FRYL: variants seen among roughly 807,000 people sequenced by gnomAD.
FRYL encodes FRY like transcription coactivator, also known as protein furry homolog-like.
In FRYL, 150 loss-of-function variants were observed where a neutral mutation model predicts 351.2. The observed-to-expected ratio is 0.43, with a 90% CI of 0.37 to 0.49. The LOEUF is 0.49. Among genes scored for constraint, FRYL ranks in the 20% least tolerant of loss-of-function variants. The probability of loss-of-function intolerance (pLI) is 0.00; values close to 1 mark genes in which losing one functional copy is unlikely to be tolerated. For missense variants in FRYL, 3,036 were observed against 3,619.3 expected, an observed-to-expected ratio of 0.84 and a Z score of 4.13; for synonymous variants, 1,153 against 1,257.1, an observed-to-expected ratio of 0.92 and a Z score of 1.75.
chr4:48,735,971 TAAAAAAAAAAAA>T (rs71191254), intron 1 of FRYL, among the ~76,000 whole-genome samples: 2 of 100,734 alleles, frequency 2.0e-5, no homozygotes, highest in East Asian at 2.9e-4. Flanking sequence ...TAGAGTATAA[TAAAAAAAAAAAA>T]AAAAAAAAAA....
chr4:48,571,526 A>C (rs1738323860), intron 26 of FRYL, among the ~76,000 whole-genome samples: 1 of 152,216 alleles, frequency 6.6e-6, no homozygotes, highest in South Asian at 2.1e-4. Flanking sequence ...CACCTATATC[A>C]CCTTCTACTA....
intron 3 of FRYL, among the ~76,000 whole-genome samples, chr4:48,635,249 G>C (rs1480986686): frequency 6.6e-6 from 1 of 152,158 alleles, no homozygotes; most frequent in African/African-American, 2.4e-5. Flanking sequence ...GAGAGGGATA[G>C]AATCTGGCTT....
chr4:48,674,752 A>AAAAAAT (rs1763294930), intron 3 of FRYL, among the ~76,000 whole-genome samples: 1 of 150,902 alleles, frequency 6.6e-6, no homozygotes, highest in Non-Finnish European at 1.5e-5. Context: ...AAAAAAAAAA[A>AAAAAAT]AAAAATAGCA....
intron 10 of FRYL, 88 bp from the exon 11 acceptor site, chr4:48,605,921 T>C (rs2940319): frequency 1 from 816,377 of 819,922 alleles, 406,502 homozygotes; most frequent in East Asian, 1. Flanking sequence ...GAACACTCTG[T>C]CATTTTACCA....
chr4:48,751,781 A>C (rs1305921886), intron 1 of FRYL, among the ~76,000 whole-genome samples: 1 of 152,134 alleles, frequency 6.6e-6, no homozygotes, highest in East Asian at 1.9e-4. Flanking sequence ...CTGCAGCAGA[A>C]TATTGCTGGT....
chr4:48,637,916 C>G (rs1389349464), intron 3 of FRYL: 1 of 152,034 alleles, frequency 6.6e-6, no homozygotes, highest in Non-Finnish European at 1.5e-5. Context: ...ATAACTCTTA[C>G]AATTAGGTGT....
chr4:48,749,051 A>AT (rs752405224), intron 1 of FRYL, among the ~76,000 whole-genome samples: 10 of 152,228 alleles, frequency 6.6e-5, no homozygotes, highest in Non-Finnish European at 1.5e-4. Flanking sequence ...AAGCAACATC[A>AT]TAACAGATGA....
Position 48,629,716 on chromosome 4 carries a change from T to G in FRYL, c.120+4575A>C, listed in dbSNP as rs528505728. On this transcript the variant is annotated intron_variant, in intron 4 of 63. Transcript: ENST00000358350. The stretch of plus-strand genomic sequence containing the variant: ...CACTTGAGGCACAACCAGAGGGAAG[T>G]GAGTGAGCTTGACCCACAGAGAGTA... Among the ~76,000 whole-genome samples the G allele has an allele frequency of 2.3e-4, 35 of 151,970 alleles. 1 individual carries two copies. The South Asian group carries it at 3.6e-3, about 15-fold the overall frequency.
At chr4:48,602,288 A>G (rs146734438) in intron 12 of FRYL, among the ~76,000 whole-genome samples, 167 bp from the exon 13 acceptor site, 1 of 152,222 alleles carries the variant, frequency 6.6e-6, no homozygotes, top group African/African-American at 2.4e-5. Context: ...ACACAGAAAG[A>G]TAAAGAGTAA....
In FRYL at chr4:48,605,741, A is replaced by G; in HGVS notation, c.834T>C (p.Ala278=). The change falls in exon 11 of 64, where the codon GCT becomes GCC. Residue 278 remains alanine (A), a splice_region_variant and synonymous_variant. Transcript: ENST00000358350. ...GTATGAAAATAAGAAAAATACTTAC[A>G]GCAGCTACAGGGATAAGAATCTCCA... ...LFVEILIPVA[A]AVKNEVNVPC... 6.4e-7 allele frequency: 1 copy of G among 1,574,210 alleles called. No individual in the cohort carries two copies. The highest frequency in any genetic ancestry group is 8.7e-7 in the Non-Finnish European group (1 of 1,145,888).
intron 1 of FRYL, among the ~76,000 whole-genome samples, chr4:48,747,000 T>A (rs1417681800): frequency 1.3e-5 from 2 of 152,122 alleles, no homozygotes; most frequent in Non-Finnish European, 2.9e-5. Context: ...AAAACGACTG[T>A]TTTAGGGTAG....
intron 1 of FRYL, among the ~76,000 whole-genome samples, chr4:48,753,532 T>G (rs1023860122): frequency 2.6e-5 from 4 of 152,188 alleles, no homozygotes; most frequent in Non-Finnish European, 4.4e-5. Context: ...TGTAAGAGTT[T>G]TCTCGGTACA....
intron 3 of FRYL, among the ~76,000 whole-genome samples, chr4:48,669,231 G>A (rs1167504275): frequency 6.6e-6 from 1 of 152,110 alleles, no homozygotes; most frequent in Non-Finnish European, 1.5e-5. Flanking sequence ...GGAATAAGCA[G>A]CTGTGATCAT....
Position 48,547,728 on chromosome 4 carries a change from G to T in FRYL, c.4930C>A (p.Arg1644Ser). The stretch of plus-strand genomic sequence containing the variant: ...ACTATTAATAAGTGCAGAAGCAGGC[G>T]TTTACAATGTTCATACACCTCAGGG... ...CHPEVYEHCK[R>S]LLLHLLIVMG... Residue 1644 changes from arginine (R) to serine (S), a missense_variant, in exon 41 of 64, where the codon CGC becomes AGC. Physicochemically the swap from Arg to Ser is moderately radical, Grantham distance 110. Transcript: ENST00000358350. 3.2e-6 allele frequency: 5 copies of T among 1,575,918 alleles called. No individual in the cohort carries two copies. Among genetic ancestry groups the T allele is most frequent in the Non-Finnish European group, 3.5e-6 (4 of 1,155,044 alleles).
At chr4:48,566,098 C>T (rs750170657) in intron 28 of FRYL, among the ~76,000 whole-genome samples, 9 of 152,106 alleles carry the variant, frequency 5.9e-5, no homozygotes, top group Non-Finnish European at 1.0e-4. Flanking sequence ...GGACGAGATA[C>T]GTGTTTTCAA....
At position 48,553,214 on chromosome 4, in the gene FRYL, C is replaced by A; in HGVS notation, c.4435+1G>T. On this transcript the variant is annotated splice_donor_variant, in intron 36 of 63. Transcript: ENST00000358350. LOFTEE classifies it high-confidence loss of function. ...GCAATCGGTTTTAACAAATTTCTCA[C>A]CTGAGGTGACAGAAGGGATTTTATA... The A allele has an allele frequency of 6.2e-7, 1 of 1,609,618 alleles. No individual in the cohort carries two copies. The highest frequency in any genetic ancestry group is 8.5e-7 in the Non-Finnish European group (1 of 1,178,014).
At chr4:48,738,489 A>C (rs1771678861) in intron 1 of FRYL, among the ~76,000 whole-genome samples, 1 of 152,046 alleles carries the variant, frequency 6.6e-6, no homozygotes, top group African/African-American at 2.4e-5. Flanking sequence ...AGGAAGACTC[A>C]AGCTTTTGTT....
rs563738291 is a variant in FRYL, at chr4:48,600,224, T to C, written c.1035+1796A>G. On this transcript the variant is annotated intron_variant, in intron 13 of 63. Coordinates refer to ENST00000358350, the MANE Select transcript of FRYL (RefSeq NM_015030.2). The stretch of plus-strand genomic sequence containing the variant: ...CTTTATCTTGGATCAATTTTCCCTA[T>C]ACATAAAATAAATAACTGTTACAAC... Among the ~76,000 whole-genome samples the C allele has an allele frequency of 1.8e-3, 272 of 152,310 alleles. 2 individuals carry two copies. The highest frequency in any genetic ancestry group is 6.1e-3 in the African/African-American group (254 of 41,558).
intron 35 of FRYL, 67 bp downstream of exon 35, chr4:48,556,911 T>A (rs1480777560): frequency 7.2e-7 from 1 of 1,379,702 alleles, no homozygotes; most frequent in Non-Finnish European, 9.7e-7. Context: ...CTGCCCATAC[T>A]CTGACATCAC....
Sources: allele counts gnomAD v4.1 joint callset (sites outside exome capture counted in the v4.1 genomes callset), GRCh38; gene constraint gnomAD v4.1.1; transcripts MANE v1.5; gene names NCBI Gene and HGNC (gene_info 2026-07-23, HGNC 2026-07-21).